The following ADAMTS6 variants were observed in gnomAD, a reference collection of about 807,000 sequenced individuals.
ADAMTS6 encodes the protein ADAM metallopeptidase with thrombospondin type 1 motif 6.
Under a neutral mutation model 144.3 loss-of-function variants are expected in ADAMTS6, and 23 were observed. The ratio of observed to expected loss-of-function variants is 0.16; its 90% CI spans 0.11 to 0.23. The LOEUF is 0.23. ADAMTS6 is among the 10% of genes least tolerant of loss of function. The pLI is 1.00. For missense variants in ADAMTS6, 999 were observed against 1,379.6 expected (o/e 0.72, Z 4.37); for synonymous variants, 444 against 457.5 (o/e 0.97, Z 0.38).
At position 65,300,081 on chromosome 5, in the gene ADAMTS6, T is replaced by C. The variant is rs1286258144; in HGVS notation, c.1274A>G (p.His425Arg). The change falls in exon 10 of 25, where the codon CAT (histidine) becomes CGT (arginine). Residue 425 changes from histidine (H) to arginine (R), a missense_variant. Coordinates refer to ENST00000381055, the MANE Select transcript of ADAMTS6 (RefSeq NM_197941.4). Reference protein sequence around the residue: ...GIGNSCGTKGHEAAKLMAAHI... With the variant: ...GIGNSCGTKGREAAKLMAAHI... ...AGCTGCCATAAGTTTTGCTGCTTCA[T>C]GACCTTTCGTCCCACAAGAATTTCC... The C allele has an allele frequency of 6.2e-7, 1 of 1,614,158 alleles. No individual in the cohort carries two copies. The highest frequency in any genetic ancestry group is 1.7e-5 in the Admixed American group (1 of 60,022).
At chr5:65,371,542 G>T (rs1158956478) in intron 7 of ADAMTS6, among the ~76,000 whole-genome samples, 1 of 152,116 alleles carries the variant, frequency 6.6e-6, no homozygotes, top group Admixed American at 6.5e-5. Flanking sequence ...TGAAGTGAAT[G>T]AAATGAAGCG....
intron 7 of ADAMTS6, among the ~76,000 whole-genome samples, chr5:65,376,003 T>C (rs1304819610): frequency 1.3e-5 from 2 of 151,908 alleles, no homozygotes; most frequent in African/African-American, 2.4e-5. Flanking sequence ...CAGTAAACTA[T>C]TGCAAGAACA....
intron 11 of ADAMTS6, among the ~76,000 whole-genome samples, chr5:65,278,510 T>A (rs1762739308): frequency 6.6e-6 from 1 of 152,270 alleles, no homozygotes; most frequent in African/African-American, 2.4e-5. Flanking sequence ...GACTTTTTAA[T>A]AATGTCAATT....
At chr5:65,262,284 T>C (rs3776042) in intron 13 of ADAMTS6, among the ~76,000 whole-genome samples, 19,581 of 152,184 alleles carry the variant, frequency 0.13, 1,352 homozygotes, top group African/African-American at 0.15. Context: ...TGGTGGCAGC[T>C]CCGGAAGATG....
intron 9 of ADAMTS6, among the ~76,000 whole-genome samples, chr5:65,323,217 T>C (rs1197245059): frequency 6.6e-6 from 1 of 151,408 alleles, no homozygotes; most frequent in Non-Finnish European, 1.5e-5. Context: ...CTGCACCCAT[T>C]AACTCGTCAT....
At chr5:65,360,516 A>G (rs1192931640) in intron 7 of ADAMTS6, among the ~76,000 whole-genome samples, 1 of 152,168 alleles carries the variant, frequency 6.6e-6, no homozygotes, top group East Asian at 1.9e-4. Context: ...CAGTACATAT[A>G]TACTATTTTT....
intron 22 of ADAMTS6, among the ~76,000 whole-genome samples, chr5:65,175,500 C>G (rs1753917503): frequency 6.6e-6 from 1 of 152,114 alleles, no homozygotes; most frequent in Non-Finnish European, 1.5e-5. Flanking sequence ...CACTCTAATA[C>G]CACTTTGTTG....
At chr5:65,219,929 C>T (rs1218346726) in intron 18 of ADAMTS6, among the ~76,000 whole-genome samples, 7 of 152,008 alleles carry the variant, frequency 4.6e-5, no homozygotes, top group South Asian at 2.1e-4. Flanking sequence ...TGGGAGATAT[C>T]GACGTAATTC....
At chr5:65,203,239 C>G (rs957113021) in intron 20 of ADAMTS6, among the ~76,000 whole-genome samples, 1 of 152,034 alleles carries the variant, frequency 6.6e-6, no homozygotes, top group East Asian at 1.9e-4. Context: ...GCTGGTATAC[C>G]CAGCATGGGT....
chr5:65,191,251 G>C (rs994810025), intron 21 of ADAMTS6, among the ~76,000 whole-genome samples: 2 of 152,040 alleles, frequency 1.3e-5, no homozygotes, highest in African/African-American at 2.4e-5. Context: ...TGCAGCCTCT[G>C]TAATCTGACC....
At chr5:65,245,943 T>G (rs1328298461) in intron 14 of ADAMTS6, among the ~76,000 whole-genome samples, 1 of 152,168 alleles carries the variant, frequency 6.6e-6, no homozygotes, top group African/African-American at 2.4e-5. Context: ...GATATATTTG[T>G]TTGGCAGCAT....
At chr5:65,391,346 T>G (rs939585861) in intron 7 of ADAMTS6, among the ~76,000 whole-genome samples, 2 of 152,104 alleles carry the variant, frequency 1.3e-5, no homozygotes, top group African/African-American at 4.8e-5. Context: ...CCCATATTCC[T>G]TTTACCCAGA....
chr5:65,214,831 A>T lies in ADAMTS6; in HGVS notation c.2538T>A (p.His846Gln). 16 of 1,614,166 alleles carry T rather than the reference A, an allele frequency of 9.9e-6. No homozygotes were observed. Among genetic ancestry groups the T allele is most frequent in the Non-Finnish European group, 1.4e-5 (16 of 1,180,016 alleles). ...TAGCTGAGCATTCTGACCAAGGCTG[A>T]TGATTCCATGTAAAGCCAACTTCAT... ...GDNEVGFTWNHQPWSECSATC... is the reference protein window; with the variant it reads ...GDNEVGFTWNQQPWSECSATC... The change falls in exon 20 of 25, where the codon CAT becomes CAA. Residue 846 changes from histidine to glutamine, a missense_variant. Physicochemically the swap from His to Gln is conservative, Grantham distance 24. Coordinates refer to ENST00000381055, the MANE Select transcript of ADAMTS6 (RefSeq NM_197941.4). The surrounding 1 kb of genome is among the most constrained non-coding windows in gnomAD (Gnocchi z 4.6).
intron 7 of ADAMTS6, among the ~76,000 whole-genome samples, chr5:65,423,994 T>C (rs1017616584): frequency 6.6e-5 from 10 of 152,134 alleles, no homozygotes; most frequent in Non-Finnish European, 1.3e-4. Flanking sequence ...AAAAAAAACA[T>C]TGGCAGCATT....
At position 65,151,719 on chromosome 5, in the gene ADAMTS6, G is replaced by A. The variant is rs771370969; in HGVS notation, c.*117C>T. 88 of 858,890 alleles carry A rather than the reference G, an allele frequency of 1.0e-4. 1 individual carries two copies. In the South Asian group the frequency reaches 1.0e-3, roughly 10 times the overall value. 53.2% of individuals were successfully genotyped at this position (858,890 alleles called of 1,614,324 possible). On this transcript the variant is annotated 3_prime_UTR_variant, in exon 25 of 25. Transcript: ENST00000381055. ...TCAGCTAGGGCTGACCAGTGGTTAC[G>A]TTTTCCACAGGGTAATGCATTTGCA...
chr5:65,397,396 T>C (rs1422998068), intron 7 of ADAMTS6, among the ~76,000 whole-genome samples: 1 of 152,208 alleles, frequency 6.6e-6, no homozygotes, highest in African/African-American at 2.4e-5. Flanking sequence ...TTACCTAAAA[T>C]GGAAGCTTAG....
Position 65,224,978 on chromosome 5 carries a change from C to T in ADAMTS6, c.2137G>A (p.Gly713Arg), listed in dbSNP as rs777322496. The T allele has an allele frequency of 2.4e-5, 38 of 1,613,926 alleles. No homozygotes were observed. Among genetic ancestry groups the T allele is most frequent in the Admixed American group, 3.3e-5 (2 of 59,986 alleles). The change falls in exon 17 of 25, where the codon GGA becomes AGA. Residue 713 changes from glycine to arginine, a missense_variant. Physicochemically the swap from Gly to Arg is moderately radical, Grantham distance 125. Around this residue, in one of 3 missense-constraint regions of ADAMTS6, gnomAD observed 619 missense variants for 837.0 expected, o/e 0.74. Coordinates refer to ENST00000381055, the MANE Select transcript of ADAMTS6 (RefSeq NM_197941.4). ...CCTTCAATGGCATCACATGTGCTTC[C>T]GTCCCCTCCACAGACTCGACATCTA... ...EDRCRVCGGD[G>R]STCDAIEGFF... is the part of the protein sequence containing the mutation.
intron 24 of ADAMTS6, among the ~76,000 whole-genome samples, chr5:65,154,378 T>A (rs1752294915): frequency 6.6e-6 from 1 of 152,206 alleles, no homozygotes; most frequent in Non-Finnish European, 1.5e-5. Context: ...TATCAGGATG[T>A]TCCTTTCTGA....
chr5:65,194,065 A>T (rs1755179225), intron 21 of ADAMTS6, among the ~76,000 whole-genome samples: 1 of 152,088 alleles, frequency 6.6e-6, no homozygotes, highest in African/African-American at 2.4e-5. Context: ...TCTGCCTATC[A>T]CATGATCATC....
Sources: gnomAD v4.1 joint callset for allele counts (sites outside exome capture counted in the v4.1 genomes callset) on GRCh38, gnomAD v4.1.1 for gene constraint, gnomAD v4.1.1 regional missense constraint, Gnocchi (gnomAD v3.1) non-coding constraint, MANE v1.5 for transcripts, NCBI Gene and HGNC (gene_info 2026-07-23, HGNC 2026-07-21) for gene names.